Variants in GALNT14 observed in about 807,000 individuals in gnomAD.
GALNT14 encodes UDP-GalNAc:polypeptide N-acetylgalactosaminyltransferase 14.
A neutral mutation model predicts 77.5 loss-of-function variants in GALNT14; 60 were observed. That is an observed-to-expected ratio of 0.77 (90% CI 0.63 to 0.96). The LOEUF is 0.96. Among genes scored for constraint, GALNT14 ranks in the 40% least tolerant of loss-of-function variants. The pLI is 0.00. For missense variants in GALNT14, 710 were observed against 731.0 expected, an observed-to-expected ratio of 0.97 and a Z score of 0.33; for synonymous variants, 280 against 281.7, an observed-to-expected ratio of 0.99 and a Z score of 0.06.
chr2:30,892,208 A>G, the GALNT14 span, among the ~76,000 whole-genome samples: 1 of 152,262 alleles, frequency 6.6e-6, no homozygotes, highest in African/African-American at 2.4e-5. Context: ...CTGAAAGAGA[A>G]CAAAGCAAAG....
intron 1 of GALNT14, among the ~76,000 whole-genome samples, chr2:31,124,826 T>C (rs746491825): frequency 3.9e-5 from 6 of 152,180 alleles, no homozygotes; most frequent in Non-Finnish European, 7.3e-5. Flanking sequence ...GAATAACTGA[T>C]ACAGATAAAG....
chr2:31,066,446 A>C (rs1371458912), intron 1 of GALNT14, among the ~76,000 whole-genome samples: 1 of 152,022 alleles, frequency 6.6e-6, no homozygotes, highest in African/African-American at 2.4e-5. Context: ...GCCATCTTTA[A>C]GGGTCTGGGT....
At chr2:31,014,979 A>G (rs577070042) in intron 1 of GALNT14, among the ~76,000 whole-genome samples, 1 of 151,992 alleles carries the variant, frequency 6.6e-6, no homozygotes, top group East Asian at 1.9e-4. Context: ...AGAATCAACC[A>G]CTCGCTAGCT....
In GALNT14 at chr2:30,978,992, C is replaced by T. The variant is rs146062549; in HGVS notation, c.300-12690G>A. Among the ~76,000 whole-genome samples the T allele has an allele frequency of 3.0e-3, 460 of 152,304 alleles. 3 individuals are homozygous for T. Among genetic ancestry groups the T allele is most frequent in the African/African-American group, 0.011 (447 of 41,562 alleles). ...GACTCCCAAAACACAAAAGGGCATC[C>T]TGAATAGAGAAAGCAGCAATGATGA... is the stretch of plus-strand genomic sequence containing the variant. On this transcript the variant is annotated intron_variant, in intron 2 of 14. Coordinates refer to ENST00000349752, the MANE Select transcript of GALNT14 (RefSeq NM_024572.4).
chr2:31,091,811 G>A (rs1676756820), intron 1 of GALNT14, among the ~76,000 whole-genome samples: 1 of 152,158 alleles, frequency 6.6e-6, no homozygotes. Flanking sequence ...TTGGATTGAA[G>A]GATCCAAAGT....
chr2:31,090,397 G>A (rs1051851451), intron 1 of GALNT14, among the ~76,000 whole-genome samples: 1 of 151,338 alleles, frequency 6.6e-6, no homozygotes, highest in South Asian at 2.1e-4. Context: ...CTTCTTAGAC[G>A]TTAACAGCAC....
At chr2:30,979,940 C>G (rs929396598) in intron 2 of GALNT14, among the ~76,000 whole-genome samples, 1 of 152,222 alleles carries the variant, frequency 6.6e-6, no homozygotes. Flanking sequence ...CCTCTGCTGG[C>G]CTTGGCTTCC....
chr2:30,989,223 A>G (rs1669506302), intron 2 of GALNT14, among the ~76,000 whole-genome samples: 1 of 152,096 alleles, frequency 6.6e-6, no homozygotes, highest in Non-Finnish European at 1.5e-5. Context: ...GCTATGACCG[A>G]TGCTAAGGAC....
intron 1 of GALNT14, among the ~76,000 whole-genome samples, chr2:31,003,773 C>T (rs1290799820): frequency 6.6e-6 from 1 of 152,222 alleles, no homozygotes; most frequent in Non-Finnish European, 1.5e-5. Flanking sequence ...ACTGAATGGA[C>T]AGAAGCCCGG....
At chr2:30,927,433 C>T (rs550671215) in intron 11 of GALNT14, among the ~76,000 whole-genome samples, 55 of 152,304 alleles carry the variant, frequency 3.6e-4, no homozygotes, top group African/African-American at 1.3e-3. Context: ...AGGAAATCTG[C>T]GTGCACATTA....
intron 1 of GALNT14, among the ~76,000 whole-genome samples, chr2:31,067,147 C>G (rs2148554811): frequency 6.6e-6 from 1 of 152,324 alleles, no homozygotes; most frequent in Middle Eastern, 3.4e-3. Context: ...CTCCCCATCA[C>G]CCAGCCTCCC....
chr2:31,046,715 T>C (rs1673490931), intron 1 of GALNT14, among the ~76,000 whole-genome samples: 1 of 152,160 alleles, frequency 6.6e-6, no homozygotes, highest in East Asian at 1.9e-4. Context: ...AGACCAAATT[T>C]GGCCCATAGA....
chr2:31,024,093 T>A (rs1236899497), intron 1 of GALNT14, among the ~76,000 whole-genome samples: 1 of 120,986 alleles, frequency 8.3e-6, no homozygotes, highest in East Asian at 2.9e-4. Context: ...TCCCCAGCCT[T>A]GAACAAGGCA....
In GALNT14 at chr2:31,138,146, A is replaced by C; in HGVS notation, c.-60T>G. 6.2e-7 allele frequency: 1 copy of C among 1,610,664 alleles called. No individual in the cohort carries two copies. The highest frequency in any genetic ancestry group is 8.5e-7 in the Non-Finnish European group (1 of 1,178,164). On this transcript the variant is annotated 5_prime_UTR_variant, in exon 1 of 15. Transcript: ENST00000349752. ...GTCCCGGGGGCACCCCCCGGCGGTC[A>C]GGGTTGGCGGGGCAGGAGTCCTGGC... is the stretch of plus-strand genomic sequence containing the variant.
chr2:30,946,633 A>T (rs1666715574), intron 6 of GALNT14, among the ~76,000 whole-genome samples: 1 of 152,158 alleles, frequency 6.6e-6, no homozygotes, highest in Non-Finnish European at 1.5e-5. Context: ...TTTCTTCTAT[A>T]AATTACCCAG....
chr2:30,966,338 C>A, intron 2 of GALNT14, 36 bp from the exon 3 acceptor site: 1 of 1,488,562 alleles, frequency 6.7e-7, no homozygotes, highest in Non-Finnish European at 9.4e-7. Context: ...GTGAGACCTT[C>A]AGGGACAAAG....
intron 3 of GALNT14, among the ~76,000 whole-genome samples, chr2:30,965,837 G>A (rs1573051875): frequency 1.3e-5 from 2 of 152,228 alleles, no homozygotes; most frequent in East Asian, 3.9e-4. Flanking sequence ...GGGCTGGGGT[G>A]TGCACTCAGC....
At chr2:31,091,356 G>A (rs938076878) in intron 1 of GALNT14, among the ~76,000 whole-genome samples, 1 of 152,208 alleles carries the variant, frequency 6.6e-6, no homozygotes, top group African/African-American at 2.4e-5. Flanking sequence ...ATCATCTGTG[G>A]ATGCTTTTGT....
chr2:30,910,929 C>G lies in GALNT14; in HGVS notation c.1631G>C (p.Ser544Thr). Reference protein sequence around the residue: ...VVNPCESSLMSQHWDMVSS With the variant: ...VVNPCESSLMTQHWDMVSS ...AGAGCTCACCATGTCCCAGTGCTGG[C>G]TCATGAGTGAGGACTCACATGGGTT... Residue 544 changes from serine (S) to threonine (T), a missense_variant, in exon 15 of 15, where the codon AGC becomes ACC. Transcript: ENST00000349752. 7.4e-6 allele frequency: 12 copies of G among 1,613,984 alleles called. No individual in the cohort carries two copies. The highest frequency in any genetic ancestry group is 1.0e-5 in the Non-Finnish European group (12 of 1,179,994).
Sources: allele counts gnomAD v4.1 joint callset (sites outside exome capture counted in the v4.1 genomes callset), GRCh38; gene constraint gnomAD v4.1.1; transcripts MANE v1.5; gene names NCBI Gene and HGNC (gene_info 2026-07-23, HGNC 2026-07-21).